The following MINDY4 variants were observed in gnomAD, a reference collection of about 807,000 sequenced individuals.
The protein encoded by MINDY4 is probable ubiquitin carboxyl-terminal hydrolase MINDY-4.
A neutral mutation model predicts 87.0 loss-of-function variants in MINDY4; 68 were observed. The ratio of observed to expected loss-of-function variants is 0.78; its 90% CI spans 0.64 to 0.96. The LOEUF is 0.96. MINDY4 is among the 40% of genes least tolerant of loss of function. MINDY4 has a pLI of 0.00. For synonymous variants in MINDY4, 379 were observed against 363.2 expected, an observed-to-expected ratio of 1.04 and a Z score of -0.50; for missense variants, 919 against 928.2, an observed-to-expected ratio of 0.99 and a Z score of 0.13.
intron 9 of MINDY4, 25 bp from the exon 10 acceptor site, chr7:30,850,429 A>G: frequency 6.3e-7 from 1 of 1,598,704 alleles, no homozygotes; most frequent in South Asian, 1.1e-5. Context: ...CATGGGCATA[A>G]ATGCCTTCCT....
At chr7:30,874,906 G>A (rs1203553721) in intron 14 of MINDY4, among the ~76,000 whole-genome samples, 2 of 152,186 alleles carry the variant, frequency 1.3e-5, no homozygotes, top group African/African-American at 4.8e-5. Context: ...GCTGGGTGAA[G>A]GGTACACAGG....
intron 13 of MINDY4, among the ~76,000 whole-genome samples, chr7:30,860,169 C>G (rs1183101228): frequency 1.3e-5 from 2 of 152,036 alleles, no homozygotes; most frequent in Non-Finnish European, 2.9e-5. Flanking sequence ...GCAGGTGGGC[C>G]CTGGGAAGTG....
At chr7:30,807,279 A>G (rs1787841217) in intron 5 of MINDY4, among the ~76,000 whole-genome samples, 1 of 152,148 alleles carries the variant, frequency 6.6e-6, no homozygotes, top group Admixed American at 6.5e-5. Flanking sequence ...TTATAAGGGC[A>G]TTTTGGCAGG....
chr7:30,878,821 C>T (rs762612178), intron 15 of MINDY4, among the ~76,000 whole-genome samples: 1 of 152,212 alleles, frequency 6.6e-6, no homozygotes, highest in Non-Finnish European at 1.5e-5. Context: ...CACCCATTTA[C>T]TCAACCAGGA....
Position 30,833,366 on chromosome 7 carries a change from T to TTTTTAAAAG in MINDY4, c.1133-3292_1133-3291insTTTTAAAAG, listed in dbSNP as rs571402129. Reference sequence around the variant, plus strand: ...GTGGCAGGCAAAGAGAGAGCCTGTGTAGGCAAGCTTCTGTTTTTAAAAGCC... The same window carrying TTTTTAAAAG: ...GTGGCAGGCAAAGAGAGAGCCTGTGTTTTTAAAAGAGGCAAGCTTCTGTTTTTAAAAGCC... On this transcript the variant is annotated intron_variant, in intron 6 of 17. Coordinates refer to ENST00000265299, the MANE Select transcript of MINDY4 (RefSeq NM_032222.3). Among the ~76,000 whole-genome samples the TTTTTAAAAG allele has an allele frequency of 4.5e-3, 678 of 152,334 alleles. 4 individuals are homozygous for TTTTTAAAAG. The highest frequency in any genetic ancestry group is 0.016 in the African/African-American group (656 of 41,570).
intron 5 of MINDY4, 91 bp downstream of exon 5, chr7:30,791,665 C>T (rs1308243211): frequency 7.5e-7 from 1 of 1,326,226 alleles, no homozygotes; most frequent in Non-Finnish European, 1.0e-6. Flanking sequence ...AAGGGAACTT[C>T]TTAGTCTCCT....
chr7:30,862,871 A>G (rs1789809681), intron 13 of MINDY4, among the ~76,000 whole-genome samples: 1 of 152,124 alleles, frequency 6.6e-6, no homozygotes, highest in Admixed American at 6.5e-5. Context: ...TATGTTTGTA[A>G]TGAAAACAAA....
chr7:30,831,936 A>G (rs1788715802), intron 6 of MINDY4, among the ~76,000 whole-genome samples: 1 of 152,192 alleles, frequency 6.6e-6, no homozygotes, highest in African/African-American at 2.4e-5. Flanking sequence ...AGCATTCTCA[A>G]ACCACTGACA....
intron 13 of MINDY4, among the ~76,000 whole-genome samples, chr7:30,866,173 A>G (rs576742119): frequency 1.3e-5 from 2 of 152,376 alleles, no homozygotes; most frequent in African/African-American, 4.8e-5. Flanking sequence ...CACCCAGGCC[A>G]CTGAAGAGCT....
At chr7:30,837,246 T>C (rs1285038482) in intron 7 of MINDY4, among the ~76,000 whole-genome samples, 1 of 152,152 alleles carries the variant, frequency 6.6e-6, no homozygotes, top group Non-Finnish European at 1.5e-5. Context: ...AGCAGGTTCC[T>C]GGCCACAGCA....
At chr7:30,821,025 A>G (rs965900001) in intron 5 of MINDY4, among the ~76,000 whole-genome samples, 1 of 152,224 alleles carries the variant, frequency 6.6e-6, no homozygotes, top group African/African-American at 2.4e-5. Flanking sequence ...GGTTACTTCT[A>G]AAATTTTAAT....
At chr7:30,833,385 A>G (rs1025877898) in intron 6 of MINDY4, among the ~76,000 whole-genome samples, 3 of 151,910 alleles carry the variant, frequency 2.0e-5, no homozygotes, top group African/African-American at 7.3e-5. Context: ...TTCTGTTTTT[A>G]AAAGCCATCA....
chr7:30,856,180 T>A (rs1413089583), intron 12 of MINDY4, among the ~76,000 whole-genome samples: 4 of 152,170 alleles, frequency 2.6e-5, no homozygotes, highest in Non-Finnish European at 5.9e-5. Flanking sequence ...AATAGCCCCT[T>A]CTTCCCAAGT....
intron 5 of MINDY4, 124 bp downstream of exon 5, chr7:30,791,698 G>A: frequency 1.9e-6 from 2 of 1,044,664 alleles, no homozygotes; most frequent in Admixed American, 2.9e-5. Context: ...ACAAGCCTGC[G>A]AAGTAACCGG....
At chr7:30,816,561 C>T (rs796336955) in intron 5 of MINDY4, among the ~76,000 whole-genome samples, 4 of 152,136 alleles carry the variant, frequency 2.6e-5, no homozygotes, top group Admixed American at 6.6e-5. Context: ...AGCCTGGGCC[C>T]GATGGCTTTT....
chr7:30,842,255 TCC>T (rs1789064095), intron 9 of MINDY4, among the ~76,000 whole-genome samples: 1 of 152,212 alleles, frequency 6.6e-6, no homozygotes, highest in Non-Finnish European at 1.5e-5. Context: ...CCCTTTGCTC[TCC>T]GGTCGATCCT....
At position 30,854,642 on chromosome 7, in the gene MINDY4, G is replaced by GTT. The variant is rs775113296; in HGVS notation, c.1677+1184_1677+1185insTT. On this transcript the variant is annotated intron_variant, in intron 12 of 17. Coordinates refer to ENST00000265299, the MANE Select transcript of MINDY4 (RefSeq NM_032222.3). ...CCCACAGAAGGCACTGGAGGGTTTG[G>GTT]TGGTAAGCCGGAGAGTGGGAGAACT... Among the ~76,000 whole-genome samples the GTT allele has an allele frequency of 4.6e-5, 7 of 152,334 alleles. No individual in the cohort carries two copies. The South Asian group carries it at 1.0e-3, about 23-fold the overall frequency.
intron 17 of MINDY4, among the ~76,000 whole-genome samples, chr7:30,890,554 A>G (rs1271226754): frequency 6.6e-6 from 1 of 152,258 alleles, no homozygotes; most frequent in Non-Finnish European, 1.5e-5. Context: ...GGAATGGTGT[A>G]AAGTATTCAA....
intron 14 of MINDY4, among the ~76,000 whole-genome samples, chr7:30,873,438 C>T (rs1790167151): frequency 6.6e-6 from 1 of 152,194 alleles, no homozygotes; most frequent in African/African-American, 2.4e-5. Context: ...TCCTGTGTGT[C>T]AGTTTCCTCA....
Sources: allele counts gnomAD v4.1 joint callset (sites outside exome capture counted in the v4.1 genomes callset), GRCh38; gene constraint gnomAD v4.1.1; transcripts MANE v1.5; gene names NCBI Gene and HGNC (gene_info 2026-07-23, HGNC 2026-07-21).